EXTL3: variants seen among roughly 807,000 people sequenced by gnomAD.
EXTL3 encodes exostosin-like 3.
In EXTL3, 27 loss-of-function variants were observed where a neutral mutation model predicts 69.3. That is an observed-to-expected ratio of 0.39 (90% CI 0.29 to 0.54). The LOEUF is 0.54. EXTL3 is among the 20% of genes least tolerant of loss of function. The pLI, the probability that EXTL3 is intolerant of heterozygous loss-of-function variation, is 0.69. For missense variants in EXTL3, 1,003 were observed against 1,231.8 expected (o/e 0.81, Z 2.78); for synonymous variants, 511 against 499.4 (o/e 1.02, Z -0.31).
chr8:28,648,791 G>A (rs1294638836), intron 1 of EXTL3, among the ~76,000 whole-genome samples: 1 of 152,034 alleles, frequency 6.6e-6, no homozygotes, highest in Admixed American at 6.6e-5. Context: ...ATGTTGCCCA[G>A]GCTGGACTCA....
rs184420181 is a variant in EXTL3, at chr8:28,639,099, G to A, written c.-53+16289G>A. 2.7e-3 allele frequency among the ~76,000 whole-genome samples: 416 copies of A among 151,888 alleles called. 2 individuals carry two copies. The highest frequency in any genetic ancestry group is 5.1e-3 in the Admixed American group (78 of 15,252). On this transcript the variant is annotated intron_variant, in intron 1 of 6. Coordinates refer to the EXTL3 transcript ENST00000523149. ...ACTACAGGCGCCCACCACCACACCT[G>A]GCTAATTTTTGTATTTTTAGTAGAG...
At chr8:28,745,940 A>C (rs544903209) in intron 6 of EXTL3, among the ~76,000 whole-genome samples, 18 of 152,202 alleles carry the variant, frequency 1.2e-4, no homozygotes, top group Non-Finnish European at 2.4e-4. Flanking sequence ...GATTGGGATG[A>C]CTTTTCAAAT....
intron 1 of EXTL3, among the ~76,000 whole-genome samples, chr8:28,652,142 T>C (rs889495457): frequency 1.3e-5 from 2 of 152,138 alleles, no homozygotes; most frequent in Non-Finnish European, 2.9e-5. Context: ...GAATAATACC[T>C]CAATGAACAT....
Position 28,718,001 on chromosome 8 carries a change from A to G in EXTL3, c.1942A>G (p.Lys648Glu), listed in dbSNP as rs771306625. The part of the protein sequence containing the change: ...PIGGGAGGSG[K>E]EFQAALGGNV... ...TGGTGGTGGAGCTGGGGGTTCTGGC[A>G]AGGAATTTCAGGCAGCGCTTGGAGG... Residue 648 changes from lysine to glutamate, a missense_variant, in exon 3 of 7, where the codon AAG becomes GAG. Transcript: ENST00000220562. The G allele has an allele frequency of 6.2e-7, 1 of 1,613,992 alleles. No individual in the cohort carries two copies. Among genetic ancestry groups the G allele is most frequent in the Non-Finnish European group, 8.5e-7 (1 of 1,179,978 alleles).
rs377532056 is a variant in EXTL3 at position 28,672,797 on chromosome 8, G to A, written c.-52-40660G>A. Among the ~76,000 whole-genome samples the A allele has an allele frequency of 1.6e-3, 248 of 152,258 alleles. 2 individuals carry two copies. The highest frequency in any genetic ancestry group is 4.6e-3 in the African/African-American group (191 of 41,556). The stretch of plus-strand genomic sequence containing the variant: ...TGACCTAAAACCTAGAAAGGTAACC[G>A]ATATGGTTTGGCTGTGTCCCCATCC... On this transcript the variant is annotated intron_variant, in intron 1 of 6. Transcript: ENST00000523149.
intron 1 of EXTL3, among the ~76,000 whole-genome samples, chr8:28,663,071 T>A (rs914843845): frequency 1.3e-5 from 2 of 152,226 alleles, no homozygotes; most frequent in Non-Finnish European, 2.9e-5. Flanking sequence ...CAAAAATAAT[T>A]TTTAATGCTC....
At chr8:28,634,366 C>G (rs1806619336) in intron 1 of EXTL3, among the ~76,000 whole-genome samples, 2 of 152,086 alleles carry the variant, frequency 1.3e-5, no homozygotes, top group Non-Finnish European at 2.9e-5. Flanking sequence ...TCGCTCCCTA[C>G]CCCCGGCTCT....
intron 1 of EXTL3, among the ~76,000 whole-genome samples, chr8:28,633,735 A>C (rs1011662348): frequency 6.6e-6 from 1 of 152,178 alleles, no homozygotes; most frequent in African/African-American, 2.4e-5. Context: ...TTTTGTTTAC[A>C]TGCTGTCTAA....
chr8:28,714,621 A>G (rs949334257), intron 2 of EXTL3, among the ~76,000 whole-genome samples: 2 of 152,178 alleles, frequency 1.3e-5, no homozygotes, highest in African/African-American at 4.8e-5. Flanking sequence ...TGGAAGAATT[A>G]AAAAAAGAAA....
Position 28,716,591 on chromosome 8 carries a change from C to T in EXTL3, c.532C>T (p.Arg178Trp), listed in dbSNP as rs761680214. 9.9e-6 allele frequency: 16 copies of T among 1,614,102 alleles called. No individual in the cohort carries two copies. Among genetic ancestry groups the T allele is most frequent in the Admixed American group, 6.7e-5 (4 of 60,008 alleles). The change falls in exon 3 of 7, where the codon CGG becomes TGG. Residue 178 changes from arginine (R) to tryptophan (W), a missense_variant. Physicochemically the swap from Arg to Trp is moderately radical, Grantham distance 101. This residue lies in a region of EXTL3 where 742 missense variants were observed against 815.4 expected (regional missense o/e 0.91). Coordinates refer to ENST00000220562, the MANE Select transcript of EXTL3 (RefSeq NM_001440.4). This position sits in a 1 kb window ranked among gnomAD's most constrained non-coding sequence, Gnocchi z 7.1. ...TCCCCCGAAGGCCACTCGGGGCTGC[C>T]GGCTACACAACTGCTTTGATTATTC... ...LPPPKATRGC[R>W]LHNCFDYSRC...
At chr8:28,729,595 CAAAAAAAAAAAAAAAAAA>C (rs567929424) in intron 3 of EXTL3, among the ~76,000 whole-genome samples, 1 of 33,236 alleles carries the variant, frequency 3.0e-5, no homozygotes, top group Admixed American at 5.1e-4. Flanking sequence ...GACTCCATCT[CAAAAAAAAAAAAAAAAAA>C]AAAAAAAAAA....
At chr8:28,661,160 G>T (rs979345760) in intron 1 of EXTL3, among the ~76,000 whole-genome samples, 4 of 151,728 alleles carry the variant, frequency 2.6e-5, no homozygotes, top group African/African-American at 9.7e-5. Context: ...TGATCCGCCC[G>T]CCTCAGCCTC....
intron 1 of EXTL3, among the ~76,000 whole-genome samples, chr8:28,641,121 A>G (rs575217144): frequency 6.6e-6 from 1 of 152,190 alleles, no homozygotes; most frequent in South Asian, 2.1e-4. Flanking sequence ...TACCTAACAC[A>G]TTGCTCACAA....
chr8:28,665,791 C>T lies in EXTL3; in HGVS notation c.-53+42981C>T, dbSNP rs141947501. On this transcript the variant is annotated intron_variant, in intron 1 of 6. Transcript: ENST00000523149. ...GTAATCATACCTTAATTACCAAGTA[C>T]GCTTTTTTATTCTTTTCTGGATAGG... Among the ~76,000 whole-genome samples, 37 of 152,208 alleles carry T rather than the reference C, an allele frequency of 2.4e-4. 2 individuals carry two copies. The East Asian group carries it at 2.9e-3, about 12-fold the overall frequency.
chr8:28,650,016 T>C (rs1168159285), intron 1 of EXTL3, among the ~76,000 whole-genome samples: 1 of 151,796 alleles, frequency 6.6e-6, no homozygotes, highest in Non-Finnish European at 1.5e-5. Flanking sequence ...GCCAACATGG[T>C]GAAACCCCAT....
chr8:28,687,020 C>G (rs1174303368), intron 1 of EXTL3, among the ~76,000 whole-genome samples: 4 of 152,138 alleles, frequency 2.6e-5, no homozygotes, highest in Non-Finnish European at 2.9e-5. Context: ...CTCGGGGAAG[C>G]CATGAGACTT....
chr8:28,659,065 A>C (rs190983202), intron 1 of EXTL3, among the ~76,000 whole-genome samples: 1 of 152,318 alleles, frequency 6.6e-6, no homozygotes, highest in East Asian at 1.9e-4. Flanking sequence ...AAATTCCCAG[A>C]AGTTAAATTA....
chr8:28,725,172 G>A (rs577502398), intron 3 of EXTL3, among the ~76,000 whole-genome samples: 10 of 152,224 alleles, frequency 6.6e-5, no homozygotes, highest in Admixed American at 1.3e-4. Context: ...TGGCTGGGCC[G>A]GATGTAATCT....
chr8:28,747,733 T>C (rs1276792410), intron 6 of EXTL3, among the ~76,000 whole-genome samples: 9 of 142,518 alleles, frequency 6.3e-5, no homozygotes, highest in South Asian at 2.2e-4. Context: ...TTTTTCTTTT[T>C]TTTTTTTTTT....
Sources: gnomAD v4.1 joint callset for allele counts (sites outside exome capture counted in the v4.1 genomes callset) on GRCh38, gnomAD v4.1.1 for gene constraint, gnomAD v4.1.1 regional missense constraint, Gnocchi (gnomAD v3.1) non-coding constraint, MANE v1.5 for transcripts, NCBI Gene and HGNC (gene_info 2026-07-23, HGNC 2026-07-21) for gene names.